Variants in ZNF740 observed in about 807,000 individuals in gnomAD.
ZNF740 encodes the protein oriLyt TD-element-binding protein 7.
A neutral mutation model predicts 24.8 loss-of-function variants in ZNF740; 14 were observed. That is an observed-to-expected ratio of 0.56 (90% CI 0.37 to 0.88). The LOEUF (loss-of-function observed/expected upper bound fraction) is 0.88, where lower values mean the gene tolerates loss of function less well. Ranked by LOEUF, ZNF740 falls within the 40% of genes least tolerant of loss-of-function variation. The pLI, the probability that ZNF740 is intolerant of heterozygous loss-of-function variation, is 0.00. For missense variants in ZNF740, 201 were observed against 247.9 expected (o/e 0.81, Z 1.27); for synonymous variants, 69 against 84.0 (o/e 0.82, Z 0.98).
intron 3 of ZNF740, 87 bp downstream of exon 3, chr12:53,185,127 C>T: frequency 6.3e-7 from 1 of 1,579,030 alleles, no homozygotes; most frequent in Non-Finnish European, 8.6e-7. Context: ...TTCCTTGATG[C>T]TTCCTCATAG....
Position 53,190,641 on chromosome 12 carries a change from A to G in ZNF740, c.*3051A>G, listed in dbSNP as rs945742712. ...CTGCTGTGGCCCTGGGGTTTTATCA[A>G]CTGTCCCCTTCCTATCCTCCTCTCC... On this transcript the variant is annotated 3_prime_UTR_variant, in exon 7 of 7. Transcript: ENST00000416904. 1.3e-5 allele frequency: 2 copies of G among 148,332 alleles called. No homozygotes were observed. Among genetic ancestry groups the G allele is most frequent in the African/African-American group, 2.5e-5 (1 of 40,240 alleles). The allele number at this position is 148,332 out of a possible 1,614,324, so 9.2% of individuals were successfully genotyped here.
In ZNF740 at chr12:53,181,829, A is replaced by G. The variant is rs1224577334; in HGVS notation, c.-155A>G. On this transcript the variant is annotated 5_prime_UTR_variant, in exon 2 of 7. Transcript: ENST00000416904. ...TTTTCTTCGGAGGACACTAAGTTCT[A>G]TTTGAAGACAAAGTTCAATATGGCA... 11 of 933,818 alleles carry G rather than the reference A, an allele frequency of 1.2e-5. No individual in the cohort carries two copies. The highest frequency in any genetic ancestry group is 1.7e-5 in the South Asian group (1 of 59,644). The allele number at this position is 933,818 out of a possible 1,614,324, so 57.8% of individuals were successfully genotyped here. A position where few individuals can be genotyped will look rare whatever the true frequency, so the allele number is the denominator to read the frequency against.
intron 2 of ZNF740, among the ~76,000 whole-genome samples, chr12:53,183,999 G>C (rs1941760310): frequency 6.6e-6 from 1 of 151,606 alleles, no homozygotes; most frequent in Non-Finnish European, 1.5e-5. Flanking sequence ...ACTCCAGCCT[G>C]GGCGACAGAG....
chr12:53,182,699 G>A (rs919852226), intron 2 of ZNF740, among the ~76,000 whole-genome samples: 1 of 152,150 alleles, frequency 6.6e-6, no homozygotes, highest in Admixed American at 6.5e-5. Flanking sequence ...ATGAGGTTCC[G>A]AGTACTGCAG....
At position 53,191,099 on chromosome 12, in the gene ZNF740, C is replaced by G. The variant is rs1941927232; in HGVS notation, c.*3509C>G. On this transcript the variant is annotated 3_prime_UTR_variant, in exon 7 of 7. Coordinates refer to ENST00000416904, the MANE Select transcript of ZNF740 (RefSeq NM_001004304.4). ...CACCAACAGATGCAGTGTCTCTGAC[C>G]TGGGACCCCCCTGCATCCGCAGCAC... is the stretch of plus-strand genomic sequence containing the variant. 4.8e-6 allele frequency: 1 copy of G among 210,044 alleles called. No individual in the cohort carries two copies. Among genetic ancestry groups the G allele is most frequent in the Non-Finnish European group, 9.8e-6 (1 of 102,320 alleles). The allele number at this position is 210,044 out of a possible 1,614,324, so 13.0% of individuals were successfully genotyped here. A position where few individuals can be genotyped will look rare whatever the true frequency, so the allele number is the denominator to read the frequency against.
At chr12:53,187,382 G>A in intron 6 of ZNF740, 119 bp from the exon 7 acceptor site, 1 of 794,246 alleles carries the variant, frequency 1.3e-6, no homozygotes, top group Non-Finnish European at 2.1e-6. Flanking sequence ...TGCTCCTGCT[G>A]TCTGTGCACG....
In ZNF740 at chr12:53,191,502, C is replaced by T. The variant is rs1187292436; in HGVS notation, c.*3912C>T. On this transcript the variant is annotated 3_prime_UTR_variant, in exon 7 of 7. Transcript: ENST00000416904. Reference sequence around the variant, plus strand: ...CAGACCCACCCTTCCTCTCACCCTCCAGTTCCCACTGTCCTCCAAGGAGAA... The same window carrying T: ...CAGACCCACCCTTCCTCTCACCCTCTAGTTCCCACTGTCCTCCAAGGAGAA... 2.1e-5 allele frequency: 30 copies of T among 1,403,552 alleles called. No homozygotes were observed. Among genetic ancestry groups the T allele is most frequent in the Non-Finnish European group, 2.9e-5 (29 of 988,186 alleles). The allele number at this position is 1,403,552 out of a possible 1,614,324, so 86.9% of individuals were successfully genotyped here. A position where few individuals can be genotyped will look rare whatever the true frequency, so the allele number is the denominator to read the frequency against.
rs1941853131 is a variant in ZNF740, at chr12:53,187,832, C to G, written c.*242C>G. 3.9e-6 allele frequency: 2 copies of G among 511,332 alleles called. No homozygotes were observed. Among genetic ancestry groups the G allele is most frequent in the Admixed American group, 6.6e-5 (2 of 30,432 alleles). The allele number at this position is 511,332 out of a possible 1,614,324, so 31.7% of individuals were successfully genotyped here. On this transcript the variant is annotated 3_prime_UTR_variant, in exon 7 of 7. Coordinates refer to ENST00000416904, the MANE Select transcript of ZNF740 (RefSeq NM_001004304.4). ...GCATTCCTGGGTAGGGGAGCTAGTC[C>G]CTGGACCCTTGGCTGAGGTCATAGG...
chr12:53,184,162 C>A (rs551845242), intron 2 of ZNF740, among the ~76,000 whole-genome samples: 1 of 125,770 alleles, frequency 8.0e-6, no homozygotes. Context: ...CGCGCGCGCG[C>A]TCTGAAGCTA....
Position 53,192,030 on chromosome 12 carries a change from GA to G in ZNF740, c.*4443del. On this transcript the variant is annotated 3_prime_UTR_variant, in exon 7 of 7. Transcript: ENST00000416904. The stretch of plus-strand genomic sequence containing the variant: ...TGTGGTCTGCTCCCTCTGTGAACAA[GA>G]AACCAGACACACTTGTGGGAGCTGG... 1 of 1,609,322 alleles carries G rather than the reference GA, an allele frequency of 6.2e-7. No individual in the cohort carries two copies. Among genetic ancestry groups the G allele is most frequent in the Admixed American group, 1.7e-5 (1 of 59,644 alleles).
rs1941900866 is a variant in ZNF740 at position 53,190,069 on chromosome 12, C to T, written c.*2479C>T. On this transcript the variant is annotated 3_prime_UTR_variant, in exon 7 of 7. Coordinates refer to ENST00000416904, the MANE Select transcript of ZNF740 (RefSeq NM_001004304.4). ...ACTTCAGAGAGTATGTGCGAACAGC[C>T]ATAGCAGAGCCACCCCTGCCAAGGA... 6.6e-6 allele frequency: 1 copy of T among 152,244 alleles called. No individual in the cohort carries two copies. The highest frequency in any genetic ancestry group is 1.5e-5 in the Non-Finnish European group (1 of 68,134). The allele number at this position is 152,244 out of a possible 1,614,324, so 9.4% of individuals were successfully genotyped here.
Position 53,192,959 on chromosome 12 carries a change from T to G in ZNF740, c.*5369T>G. On this transcript the variant is annotated 3_prime_UTR_variant, in exon 7 of 7. Coordinates refer to ENST00000416904, the MANE Select transcript of ZNF740 (RefSeq NM_001004304.4). ...TGACAACCATACTCCACACACACAG[T>G]TGGCCATCATGTGGCACGACAAGCC... is the stretch of plus-strand genomic sequence containing the variant. 2 of 1,571,706 alleles carry G rather than the reference T, an allele frequency of 1.3e-6. No individual in the cohort carries two copies. Among genetic ancestry groups the G allele is most frequent in the Non-Finnish European group, 1.7e-6 (2 of 1,144,476 alleles).
chr12:53,186,142 G>A, intron 5 of ZNF740, 65 bp downstream of exon 5: 1 of 1,569,766 alleles, frequency 6.4e-7, no homozygotes, highest in Non-Finnish European at 8.7e-7. Flanking sequence ...ATGTCTGTTT[G>A]TGGCTCTAGT....
At chr12:53,184,150 T>TGTGCGTGC (rs59250662) in intron 2 of ZNF740, among the ~76,000 whole-genome samples, 1 of 104,346 alleles carries the variant, frequency 9.6e-6, no homozygotes, top group African/African-American at 3.7e-5. Flanking sequence ...TGTGTGTGTG[T>TGTGCGTGC]GCGCGCGCGC....
chr12:53,186,562 A>G (rs1373534103), intron 6 of ZNF740, 53 bp downstream of exon 6: 2 of 1,429,674 alleles, frequency 1.4e-6, no homozygotes, highest in Non-Finnish European at 1.9e-6. Context: ...TTCCCCAAGA[A>G]TCAGGGCCAC....
At position 53,194,510 on chromosome 12, in the gene ZNF740, A is replaced by G. The variant is rs921206894; in HGVS notation, c.*6920A>G. On this transcript the variant is annotated 3_prime_UTR_variant, in exon 7 of 7. Coordinates refer to ENST00000416904, the MANE Select transcript of ZNF740 (RefSeq NM_001004304.4). ...GGCATTTCTGGAGGGAGGACCCGTG[A>G]GAACCTTGCATAGAACATACAGGAT... The G allele has an allele frequency of 1.1e-5, 7 of 631,680 alleles. No homozygotes were observed. Among genetic ancestry groups the G allele is most frequent in the Non-Finnish European group, 1.9e-5 (7 of 362,482 alleles). The allele number at this position is 631,680 out of a possible 1,614,324, so 39.1% of individuals were successfully genotyped here.
rs1941657987 is a variant in ZNF740 at position 53,181,870 on chromosome 12, C to T, written c.-114C>T. The T allele has an allele frequency of 1.1e-5, 15 of 1,336,780 alleles. No individual in the cohort carries two copies. In the South Asian group the frequency reaches 1.3e-4, roughly 11 times the overall value. The allele number at this position is 1,336,780 out of a possible 1,614,324, so 82.8% of individuals were successfully genotyped here. A position where few individuals can be genotyped will look rare whatever the true frequency, so the allele number is the denominator to read the frequency against. ...CAATATGGCAACAGGACTGATGGGA[C>T]ACGAAGGAGTCGCTACCGTGATTTG... On this transcript the variant is annotated 5_prime_UTR_variant, in exon 2 of 7. Transcript: ENST00000416904.
At position 53,188,899 on chromosome 12, in the gene ZNF740, T is replaced by C. The variant is rs1941875671; in HGVS notation, c.*1309T>C. 1 of 152,144 alleles carries C rather than the reference T, an allele frequency of 6.6e-6. No individual in the cohort carries two copies. The allele number at this position is 152,144 out of a possible 1,614,324, so 9.4% of individuals were successfully genotyped here. On this transcript the variant is annotated 3_prime_UTR_variant, in exon 7 of 7. Transcript: ENST00000416904. ...AAAAAAGTAATCGGGTGTGTGTGTG[T>C]GTGTGAGAGAGAGTGTGTGTGAGAT...
rs1941649204 is a variant in ZNF740 at position 53,181,678 on chromosome 12, T to C, written c.-306T>C. 2.4e-6 allele frequency: 1 copy of C among 421,876 alleles called. No individual in the cohort carries two copies. The highest frequency in any genetic ancestry group is 2.1e-5 in the African/African-American group (1 of 48,130). 26.1% of individuals were successfully genotyped at this position (421,876 alleles called of 1,614,324 possible). A position where few individuals can be genotyped will look rare whatever the true frequency, so the allele number is the denominator to read the frequency against. On this transcript the variant is annotated splice_region_variant and 5_prime_UTR_variant, in exon 2 of 7. Transcript: ENST00000416904. ...CCCCCTCTTCCTTTCTGGTTTCAGG[T>C]TTCTGAAACAGATCGTGAGCTTCAT... is the stretch of plus-strand genomic sequence containing the variant.
Sources: allele counts gnomAD v4.1 joint callset (sites outside exome capture counted in the v4.1 genomes callset), GRCh38; gene constraint gnomAD v4.1.1; transcripts MANE v1.5; gene names NCBI Gene and HGNC (gene_info 2026-07-23, HGNC 2026-07-21).